KRI1: variants seen among roughly 807,000 people sequenced by gnomAD.
KRI1 encodes the protein KRI1 homolog.
In KRI1, 83 loss-of-function variants were observed where a neutral mutation model predicts 97.0. That is an observed-to-expected ratio of 0.86 (90% CI 0.72 to 1.03). The LOEUF (loss-of-function observed/expected upper bound fraction) is 1.03. KRI1 is among the 50% of genes least tolerant of loss of function. KRI1 has a pLI of 0.00. For synonymous variants in KRI1, 371 were observed against 363.5 expected, an observed-to-expected ratio of 1.02 and a Z score of -0.23; for missense variants, 916 against 928.4, an observed-to-expected ratio of 0.99 and a Z score of 0.17.
At chr19:10,561,573 T>G in intron 6 of KRI1, 94 bp downstream of exon 6, 4 of 1,214,224 alleles carry the variant, frequency 3.3e-6, no homozygotes, top group Non-Finnish European at 4.9e-6. Context: ...CTGAAGCACA[T>G]AGAAAGTGAC....
chr19:10,561,635 C>T (rs1417663082), intron 6 of KRI1, 32 bp downstream of exon 6: 1 of 1,610,186 alleles, frequency 6.2e-7, no homozygotes, highest in East Asian at 2.2e-5. Flanking sequence ...CAACTTTCCT[C>T]CATTGGGCCA....
chr19:10,565,719 C>T lies in KRI1; in HGVS notation c.166G>A (p.Val56Met). ...SSESDSSDER[V>M]EFDPQQERDF... ...CAGGACGGGGCGGGGACGCGCACCA[C>T]GCGCTCGTCGCTTGAGTCCGACTCG... The change falls in exon 2 of 19, where the codon GTG becomes ATG. Residue 56 changes from valine (V) to methionine (M), a missense_variant and splice_region_variant. Val to Met is a conservative substitution (Grantham distance 21, BLOSUM62 1). Transcript: ENST00000312962. The T allele has an allele frequency of 3.8e-6, 6 of 1,564,452 alleles. No individual in the cohort carries two copies. The highest frequency in any genetic ancestry group is 5.2e-6 in the Non-Finnish European group (6 of 1,156,066).
chr19:10,558,905 C>T (rs890391180), intron 12 of KRI1, among the ~76,000 whole-genome samples: 4 of 152,004 alleles, frequency 2.6e-5, no homozygotes, highest in African/African-American at 9.7e-5. Context: ...TGGGGATTCT[C>T]CATGTTGGCC....
In KRI1 at chr19:10,558,052, T is replaced by C. The variant is rs1175553774; in HGVS notation, c.1279A>G (p.Asn427Asp). Residue 427 changes from asparagine (N) to aspartate (D), a missense_variant, in exon 14 of 19, where the codon AAC (asparagine) becomes GAC (aspartate). Transcript: ENST00000312962. ...TCAGGCCCGTCCCACGTGTCCCAGT[T>C]CCAGTCGTCTGGATGCAGGGAGAAC... Reference protein sequence around the residue: ...EEEEGLEDDWNWDTWDGPEQE... With the variant: ...EEEEGLEDDWDWDTWDGPEQE... 1 of 1,613,916 alleles carries C rather than the reference T, an allele frequency of 6.2e-7. No individual in the cohort carries two copies. Among genetic ancestry groups the C allele is most frequent in the Non-Finnish European group, 8.5e-7 (1 of 1,180,004 alleles).
chr19:10,555,110 GACCT>G lies in KRI1; in HGVS notation c.1754_1757del (p.Gln585ProfsTer38). 1 of 1,614,102 alleles carries G rather than the reference GACCT, an allele frequency of 6.2e-7. No homozygotes were observed. The highest frequency in any genetic ancestry group is 8.5e-7 in the Non-Finnish European group (1 of 1,179,994). On this transcript the variant is annotated frameshift_variant, in exon 18 of 19. Transcript: ENST00000312962. LOFTEE classifies it low-confidence loss of function (END_TRUNC). The stretch of plus-strand genomic sequence containing the variant: ...ACTCTTCTCGGCAGAGTGACTTGAA[GACCT>G]GCCGCTTTTTCCATGAGTTCTGGGC...
At chr19:10,562,978 G>T in intron 3 of KRI1, 141 bp from the exon 4 acceptor site, 1 of 611,970 alleles carries the variant, frequency 1.6e-6, no homozygotes. Flanking sequence ...AGAGTATTGT[G>T]CTTGTCACCA....
At chr19:10,560,480 A>G (rs371792902) in intron 8 of KRI1, 32 bp from the exon 9 acceptor site, 15 of 1,533,888 alleles carry the variant, frequency 9.8e-6, no homozygotes, top group African/African-American at 5.5e-5. Context: ...ACTCTGGTCA[A>G]TGGAGGACAG....
Position 10,553,944 on chromosome 19 carries a change from C to CT in KRI1, c.*6dup. 1 of 1,582,252 alleles carries CT rather than the reference C, an allele frequency of 6.3e-7. No homozygotes were observed. Among genetic ancestry groups the CT allele is most frequent in the South Asian group, 1.1e-5 (1 of 86,982 alleles). On this transcript the variant is annotated 3_prime_UTR_variant, in exon 19 of 19. Transcript: ENST00000312962. ...GGAGCCTGAGGCCCCTGCCTGCTCCCTGGTGCTCAGGAGCTGTTCTTGGGC... is the reference window on the plus strand; with the variant it reads ...GGAGCCTGAGGCCCCTGCCTGCTCCCTTGGTGCTCAGGAGCTGTTCTTGGGC...
rs200504058 is a variant in KRI1 at position 10,558,175 on chromosome 19, T to C, written c.1259A>G (p.Glu420Gly). The C allele has an allele frequency of 1.2e-6, 2 of 1,613,952 alleles. No homozygotes were observed. Among genetic ancestry groups the C allele is most frequent in the East Asian group, 2.2e-5 (1 of 44,862 alleles). ...EEEKPQFEEE[E>G]GLEDDWNWDT... The stretch of plus-strand genomic sequence containing the variant: ...CCAGCTGATCTCACCTTCAAGCCCT[T>C]CTTCTTCCTCAAATTGTGGCTTCTC... Residue 420 changes from glutamate to glycine, a missense_variant, in exon 13 of 19, where the codon GAA becomes GGA. By Grantham distance (98) the Glu-to-Gly change is moderately conservative (BLOSUM62 -2). Coordinates refer to ENST00000312962, the MANE Select transcript of KRI1 (RefSeq NM_023008.5).
rs1271296708 is a variant in KRI1, at chr19:10,564,159, A to C, written c.274+770T>G. On this transcript the variant is annotated intron_variant, in intron 3 of 18. Coordinates refer to ENST00000312962, the MANE Select transcript of KRI1 (RefSeq NM_023008.5). ...AAAACTCCGTCTCAAAAAAAAAAAAAGAAAAAAGAAAGAAAGGCTGGCTGG... is the reference window on the plus strand; with the variant it reads ...AAAACTCCGTCTCAAAAAAAAAAAACGAAAAAAGAAAGAAAGGCTGGCTGG... Among the ~76,000 whole-genome samples the C allele has an allele frequency of 3.4e-5, 5 of 145,728 alleles. No homozygotes were observed. In the East Asian group the frequency reaches 1.0e-3, roughly 30 times the overall value.
rs1355133111 is a variant in KRI1 at position 10,559,479 on chromosome 19, C to T, written c.1074G>A (p.Arg358=). Residue 358 remains arginine (R), a synonymous_variant, in exon 12 of 19, where the codon AGG becomes AGA. Transcript: ENST00000312962. ...EELKQLKNLK[R]KEILAKLEKL... ...TCTCCAGCTTGGCCAGAATCTCCTT[C>T]CTCTTCAGGTTCTTCAGCTGCTTGA... 3 of 1,613,954 alleles carry T rather than the reference C, an allele frequency of 1.9e-6. No homozygotes were observed. The highest frequency in any genetic ancestry group is 2.7e-5 in the African/African-American group (2 of 74,902).
Position 10,561,283 on chromosome 19 carries a change from C to T in KRI1, c.489-18G>A. The T allele has an allele frequency of 6.2e-7, 1 of 1,612,252 alleles. No individual in the cohort carries two copies. Among genetic ancestry groups the T allele is most frequent in the Non-Finnish European group, 8.5e-7 (1 of 1,178,476 alleles). On this transcript the variant is annotated intron_variant, in intron 6 of 18. Transcript: ENST00000312962. Reference sequence around the variant, plus strand: ...CCCGGAAGCTGCCCACGAGAGAAAACAAGCCTCAGGACAGGCAGGCTGGCC... The same window carrying T: ...CCCGGAAGCTGCCCACGAGAGAAAATAAGCCTCAGGACAGGCAGGCTGGCC...
In KRI1 at chr19:10,565,982, C is replaced by T; in HGVS notation, c.18G>A (p.Gly6=). 1 of 1,523,844 alleles carries T rather than the reference C, an allele frequency of 6.6e-7. No homozygotes were observed. Among genetic ancestry groups the T allele is most frequent in the Non-Finnish European group, 8.8e-7 (1 of 1,140,178 alleles). 94.4% of individuals were successfully genotyped at this position (1,523,844 alleles called of 1,614,324 possible). The part of the protein sequence containing the change: MPEPR[G]SSQLRVNAAF... ...CCGCGTTCACCCGCAGCTGCGACGA[C>T]CCGCGCGGTTCCGGCATGGCGGTTC... The change falls in exon 1 of 19, where the codon GGG becomes GGA. Residue 6 remains glycine, a synonymous_variant. Coordinates refer to ENST00000312962, the MANE Select transcript of KRI1 (RefSeq NM_023008.5).
intron 16 of KRI1, among the ~76,000 whole-genome samples, chr19:10,557,250 GCC>G (rs1568421367): frequency 1.3e-5 from 2 of 151,312 alleles, no homozygotes; most frequent in African/African-American, 4.9e-5. Context: ...GACTACAGGC[GCC>G]TGCCACCATG....
At position 10,555,361 on chromosome 19, in the gene KRI1, G is replaced by A. The variant is rs1361437076; in HGVS notation, c.1618-12C>T. 3 of 1,613,930 alleles carry A rather than the reference G, an allele frequency of 1.9e-6. No homozygotes were observed. Among genetic ancestry groups the A allele is most frequent in the Non-Finnish European group, 2.5e-6 (3 of 1,179,996 alleles). On this transcript the variant is annotated splice_polypyrimidine_tract_variant and intron_variant, in intron 16 of 18. Transcript: ENST00000312962. ...TCAGCAGCGAGGATCTGCGTGGGAAGGGAGAGTGGGGACCTGCTGTGATAT... is the reference window on the plus strand; with the variant it reads ...TCAGCAGCGAGGATCTGCGTGGGAAAGGAGAGTGGGGACCTGCTGTGATAT...
chr19:10,557,121 T>C (rs529773416), intron 16 of KRI1, among the ~76,000 whole-genome samples: 1 of 150,976 alleles, frequency 6.6e-6, no homozygotes, highest in Non-Finnish European at 1.5e-5. Context: ...GCATTTCTTT[T>C]TTTTTTTTTT....
At chr19:10,557,344 T>G (rs1319623003) in intron 16 of KRI1, among the ~76,000 whole-genome samples, 1 of 152,060 alleles carries the variant, frequency 6.6e-6, no homozygotes, top group African/African-American at 2.4e-5. Context: ...TGACCTCAGG[T>G]GATCCACTTG....
chr19:10,559,395 G>A lies in KRI1; in HGVS notation c.1158C>T (p.Asp386=), dbSNP rs537254433. Residue 386 remains aspartate (D), a synonymous_variant, in exon 12 of 19, where the codon GAC becomes GAT. Transcript: ENST00000312962. ...GGTCGTGCTGGGCAGGGTCGAAGTC[G>A]TCTTCAAGGTCCCCCTCCTCGAGGC... ...MLGLEEGDLE[D]DFDPAQHDQL... 1.0e-4 allele frequency: 168 copies of A among 1,613,970 alleles called. No homozygotes were observed. Among genetic ancestry groups the A allele is most frequent in the Non-Finnish European group, 1.4e-4 (163 of 1,180,046 alleles).
At chr19:10,564,583 G>A (rs1916803041) in intron 3 of KRI1, among the ~76,000 whole-genome samples, 1 of 152,084 alleles carries the variant, frequency 6.6e-6, no homozygotes, top group South Asian at 2.1e-4. Flanking sequence ...TGAACCACCT[G>A]CCCAGCCTGG....
Sources: allele counts gnomAD v4.1 joint callset (sites outside exome capture counted in the v4.1 genomes callset), GRCh38; gene constraint gnomAD v4.1.1; transcripts MANE v1.5; gene names NCBI Gene and HGNC (gene_info 2026-07-23, HGNC 2026-07-21).